AGAP2: variants seen among roughly 807,000 people sequenced by gnomAD.
AGAP2 encodes the protein arf-GAP with GTPase, ANK repeat and PH domain-containing protein 2.
Under a neutral mutation model 110.9 loss-of-function variants are expected in AGAP2, and 32 were observed. The observed-to-expected ratio is 0.29, with a 90% CI of 0.22 to 0.39. The LOEUF (loss-of-function observed/expected upper bound fraction) is 0.39, where lower values mean the gene tolerates loss of function less well. AGAP2 is among the 10% of genes least tolerant of loss of function. The pLI is 1.00. For missense variants in AGAP2, 1,285 were observed against 1,638.5 expected (o/e 0.78, Z 3.72); for synonymous variants, 702 against 713.0 (o/e 0.98, Z 0.25).
intron 14 of AGAP2, 26 bp downstream of exon 14, chr12:57,728,292 G>A (rs758987782): frequency 7.4e-6 from 12 of 1,612,036 alleles, no homozygotes; most frequent in South Asian, 4.4e-5. Context: ...CCAGCTGAGC[G>A]CCCCTCCCGG....
rs749280772 is a variant in AGAP2, at chr12:57,727,688, C to A, written c.2850G>T (p.Gly950=). Residue 950 remains glycine (G), a synonymous_variant, in exon 16 of 19, where the codon GGG becomes GGT. Transcript: ENST00000547588. ...AKGNSICVDC[G]APNPTWASLN... is the part of the protein sequence containing the mutation. ...CTGCCTCCTGGCACTCACTGGGGGC[C>A]CCGCAGTCCACGCAGATTGAATTCC... The A allele has an allele frequency of 8.7e-6, 14 of 1,606,594 alleles. No individual in the cohort carries two copies. The highest frequency in any genetic ancestry group is 1.3e-5 in the African/African-American group (1 of 74,884).
At chr12:57,732,049 T>G (rs1221817807) in intron 7 of AGAP2, 82 bp from the exon 8 acceptor site, 4 of 1,478,100 alleles carry the variant, frequency 2.7e-6, no homozygotes, top group Middle Eastern at 1.8e-4. Context: ...ATGGGGAATT[T>G]GAGACATTCC....
In AGAP2 at chr12:57,737,465, C is replaced by T; in HGVS notation, c.782G>A (p.Gly261Glu). Reference sequence around the variant, plus strand: ...CCGAGGGGACAACTTCCCTCGGGCTCCAGCCCCAGCCCCGACCCCACCAGA... The same window carrying T: ...CCGAGGGGACAACTTCCCTCGGGCTTCAGCCCCAGCCCCGACCCCACCAGA... ...STSGGVGAGA[G>E]ARGKLSPRKG... is the part of the protein sequence containing the mutation. Residue 261 changes from glycine (G) to glutamate (E), a missense_variant, in exon 1 of 19, where the codon GGA becomes GAA. This residue lies in a region of AGAP2 where 844 missense variants were observed against 941.2 expected (regional missense o/e 0.90). Coordinates refer to ENST00000547588, the MANE Select transcript of AGAP2 (RefSeq NM_001122772.3). This position sits in a 1 kb window ranked among gnomAD's most constrained non-coding sequence, Gnocchi z 5.9. The T allele has an allele frequency of 6.2e-7, 1 of 1,610,798 alleles. No homozygotes were observed. Among genetic ancestry groups the T allele is most frequent in the Non-Finnish European group, 8.5e-7 (1 of 1,178,678 alleles).
At chr12:57,733,346 T>C (rs1954922606) in intron 5 of AGAP2, among the ~76,000 whole-genome samples, 1 of 152,084 alleles carries the variant, frequency 6.6e-6, no homozygotes, top group Non-Finnish European at 1.5e-5. Flanking sequence ...GGACACCAGC[T>C]TGTGAACTAG....
Position 57,737,847 on chromosome 12 carries a change from C to G in AGAP2, c.400G>C (p.Gly134Arg), listed in dbSNP as rs1380728201. 3 of 1,467,846 alleles carry G rather than the reference C, an allele frequency of 2.0e-6. No individual in the cohort carries two copies. The highest frequency in any genetic ancestry group is 2.7e-6 in the Non-Finnish European group (3 of 1,122,250). 90.9% of individuals were successfully genotyped at this position (1,467,846 alleles called of 1,614,324 possible). A position where few individuals can be genotyped will look rare whatever the true frequency, so the allele number is the denominator to read the frequency against. Residue 134 changes from glycine (G) to arginine (R), a missense_variant, in exon 1 of 19, where the codon GGG becomes CGG. By Grantham distance (125) the Gly-to-Arg change is moderately radical (BLOSUM62 -2). This residue lies in a region of AGAP2 where 844 missense variants were observed against 941.2 expected (regional missense o/e 0.90). Coordinates refer to ENST00000547588, the MANE Select transcript of AGAP2 (RefSeq NM_001122772.3). The surrounding 1 kb of genome is among the most constrained non-coding windows in gnomAD (Gnocchi z 5.9). The stretch of plus-strand genomic sequence containing the variant: ...CGCCGGGAGGAGGTGGGGGCGCCCC[C>G]AGGCTTGGGGTCGGGGCTCAGTCCC... ...SGGLSPDPKP[G>R]GAPTSSRRPL...
In AGAP2 at chr12:57,731,880, C is replaced by T. The variant is rs747336749; in HGVS notation, c.1882G>A (p.Ala628Thr). ...VGHRELRAEA[A>T]AVAGLSTPGS... ...GGGGTGCTCAATCCAGCCACTGCAG[C>T]TGCCTCGGCTCGGAGCTCCCGGTGA... Residue 628 changes from alanine (A) to threonine (T), a missense_variant, in exon 8 of 19, where the codon GCT becomes ACT. Transcript: ENST00000547588. The T allele has an allele frequency of 6.8e-6, 11 of 1,610,398 alleles. No homozygotes were observed. Among genetic ancestry groups the T allele is most frequent in the East Asian group, 6.7e-5 (3 of 44,830 alleles).
rs34556182 is a variant in AGAP2, at chr12:57,725,337, GA to G, written c.*1214del. 0.012 allele frequency: 1,375 copies of G among 119,084 alleles called. 21 individuals carry two copies. Among genetic ancestry groups the G allele is most frequent in the African/African-American group, 0.042 (1,297 of 30,602 alleles). The allele number at this position is 119,084 out of a possible 1,614,324, so 7.4% of individuals were successfully genotyped here. On this transcript the variant is annotated 3_prime_UTR_variant, in exon 19 of 19. Transcript: ENST00000547588. ...GGTCCTTTGCAAACTATTTTAGCCA[GA>G]AAAAAAAAAAAAAAAAAAGACCGGA...
chr12:57,734,260 C>T, intron 4 of AGAP2, 59 bp downstream of exon 4: 10 of 1,613,028 alleles, frequency 6.2e-6, no homozygotes, highest in Non-Finnish European at 8.5e-6. Context: ...AAACCAGAGC[C>T]CTCTCCTTTG....
At chr12:57,734,791 A>G in intron 2 of AGAP2, 112 bp from the exon 3 acceptor site, 1 of 923,132 alleles carries the variant, frequency 1.1e-6, no homozygotes, top group Non-Finnish European at 1.7e-6. Flanking sequence ...AGGACCCTAC[A>G]GGGCCTGGAT....
chr12:57,737,649 C>T lies in AGAP2; in HGVS notation c.598G>A (p.Ala200Thr), dbSNP rs1789334993. The T allele has an allele frequency of 7.1e-6, 11 of 1,547,640 alleles. No homozygotes were observed. Among genetic ancestry groups the T allele is most frequent in the East Asian group, 2.4e-5 (1 of 40,948 alleles). ...CKTVTTSGAK[A>T]GGGKGAGSRL... ...CTACCCGCGCCCTTGCCCCCGCCGG[C>T]TTTGGCTCCACTCGTGGTCACGGTC... is the stretch of plus-strand genomic sequence containing the variant. Residue 200 changes from alanine to threonine, a missense_variant, in exon 1 of 19, where the codon GCC (alanine) becomes ACC (threonine). Coordinates refer to ENST00000547588, the MANE Select transcript of AGAP2 (RefSeq NM_001122772.3). This position sits in a 1 kb window ranked among gnomAD's most constrained non-coding sequence, Gnocchi z 5.9.
chr12:57,741,049 T>G (rs1333093408), upstream of AGAP2, among the ~76,000 whole-genome samples: 4 of 152,248 alleles, frequency 2.6e-5, no homozygotes, highest in Non-Finnish European at 5.9e-5. Context: ...AGGCTGCTTT[T>G]GTTAGCTCTT....
In AGAP2 at chr12:57,730,940, C is replaced by G; in HGVS notation, c.2159G>C (p.Ser720Thr). 1 of 1,555,472 alleles carries G rather than the reference C, an allele frequency of 6.4e-7. No homozygotes were observed. The highest frequency in any genetic ancestry group is 8.7e-7 in the Non-Finnish European group (1 of 1,152,182). The change falls in exon 11 of 19, where the codon AGT (serine) becomes ACT (threonine). Residue 720 changes from serine to threonine, a missense_variant. Ser to Thr is a moderately conservative substitution (Grantham distance 58). This residue lies in a region of AGAP2 where 24 missense variants were observed against 69.5 expected (regional missense o/e 0.35). Coordinates refer to ENST00000547588, the MANE Select transcript of AGAP2 (RefSeq NM_001122772.3). ...CAAGTCCATCTCCTTGCCGTGGGTA[C>G]TGTGGATGTAATCCTGGAGGGGTAC... is the stretch of plus-strand genomic sequence containing the variant. ...YHPSINDYIHSTHGKEMDLLR... is the reference protein window; with the variant it reads ...YHPSINDYIHTTHGKEMDLLR...
At chr12:57,732,605 C>T (rs1311691974) in intron 6 of AGAP2, 93 bp from the exon 7 acceptor site, 6 of 1,327,730 alleles carry the variant, frequency 4.5e-6, no homozygotes, top group South Asian at 1.3e-5. Context: ...GTAGACAACA[C>T]AGGACCCAAC....
chr12:57,730,451 A>T, intron 12 of AGAP2, 44 bp downstream of exon 12: 1 of 1,609,032 alleles, frequency 6.2e-7, no homozygotes, highest in Non-Finnish European at 8.5e-7. Context: ...CACTCATCCT[A>T]TTTGGGTGTG....
Position 57,727,913 on chromosome 12 carries a change from C to T in AGAP2, c.2766+24G>A, listed in dbSNP as rs772608238. The T allele has an allele frequency of 5.0e-6, 8 of 1,613,036 alleles. No individual in the cohort carries two copies. In the Admixed American group the frequency reaches 1.3e-4, roughly 27 times the overall value. ...CCAGGGTCAGTTCCTGCGGCCAGTC[C>T]TCCACTCCACCTCAAACTCTTACCT... is the stretch of plus-strand genomic sequence containing the variant. On this transcript the variant is annotated intron_variant, in intron 15 of 18. Transcript: ENST00000547588.
At chr12:57,739,242 C>T (rs373701223), upstream of AGAP2, among the ~76,000 whole-genome samples, 18 of 152,200 alleles carry the variant, frequency 1.2e-4, no homozygotes, top group African/African-American at 4.1e-4. Flanking sequence ...CAGAGCAAAC[C>T]CAGGGTCACT....
Position 57,726,881 on chromosome 12 carries a change from C to T in AGAP2, c.3337-87G>A. ...TCCCCCACATGGCCAAGCCTACTTC[C>T]GGGGTCCCTCTGGGAATTTCGGGCT... On this transcript the variant is annotated intron_variant, in intron 18 of 18. Coordinates refer to ENST00000547588, the MANE Select transcript of AGAP2 (RefSeq NM_001122772.3). The surrounding 1 kb of genome is among the most constrained non-coding windows in gnomAD (Gnocchi z 5.7). The T allele has an allele frequency of 4.8e-6, 7 of 1,461,106 alleles. No individual in the cohort carries two copies. The highest frequency in any genetic ancestry group is 6.3e-6 in the Non-Finnish European group (7 of 1,113,006). 90.5% of individuals were successfully genotyped at this position (1,461,106 alleles called of 1,614,324 possible). A position where few individuals can be genotyped will look rare whatever the true frequency, so the allele number is the denominator to read the frequency against.
At position 57,726,060 on chromosome 12, in the gene AGAP2, G is replaced by A. The variant is rs1017837334; in HGVS notation, c.*492C>T. 1 of 152,182 alleles carries A rather than the reference G, an allele frequency of 6.6e-6. No homozygotes were observed. The highest frequency in any genetic ancestry group is 2.4e-5 in the African/African-American group (1 of 41,420). The allele number at this position is 152,182 out of a possible 1,614,324, so 9.4% of individuals were successfully genotyped here. On this transcript the variant is annotated 3_prime_UTR_variant, in exon 19 of 19. Coordinates refer to ENST00000547588, the MANE Select transcript of AGAP2 (RefSeq NM_001122772.3). The surrounding 1 kb of genome is among the most constrained non-coding windows in gnomAD (Gnocchi z 5.7). Reference sequence around the variant, plus strand: ...TGGGCAGTGAGATGAGCATGGAAGGGGTAGGGTTTCCGTATTGGCCCCAAG... The same window carrying A: ...TGGGCAGTGAGATGAGCATGGAAGGAGTAGGGTTTCCGTATTGGCCCCAAG...
chr12:57,737,491 G>C lies in AGAP2; in HGVS notation c.756C>G (p.Thr252=). The C allele has an allele frequency of 6.2e-7, 1 of 1,604,254 alleles. No individual in the cohort carries two copies. The highest frequency in any genetic ancestry group is 8.5e-7 in the Non-Finnish European group (1 of 1,175,646). ...AAGGGGSTAS[T]SGGVGAGAGA... is the part of the protein sequence containing the mutation. ...CAGCCCCAGCCCCGACCCCACCAGA[G>C]GTCGAAGCTGTAGAGCCCCCTCCCC... The change falls in exon 1 of 19, where the codon ACC becomes ACG. Residue 252 remains threonine, a synonymous_variant. Coordinates refer to ENST00000547588, the MANE Select transcript of AGAP2 (RefSeq NM_001122772.3). The surrounding 1 kb of genome is among the most constrained non-coding windows in gnomAD (Gnocchi z 5.9).
Sources: gnomAD v4.1 joint callset for allele counts (sites outside exome capture counted in the v4.1 genomes callset) on GRCh38, gnomAD v4.1.1 for gene constraint, gnomAD v4.1.1 regional missense constraint, Gnocchi (gnomAD v3.1) non-coding constraint, MANE v1.5 for transcripts, NCBI Gene and HGNC (gene_info 2026-07-23, HGNC 2026-07-21) for gene names.